ZNF583: variants seen among roughly 807,000 people sequenced by gnomAD.
The protein encoded by ZNF583 is zinc finger protein 583.
In ZNF583, 30 loss-of-function variants were observed where a neutral mutation model predicts 55.3. That is an observed-to-expected ratio of 0.54 (90% CI 0.41 to 0.74). ZNF583 has a LOEUF of 0.74. ZNF583 is among the 30% of genes least tolerant of loss of function. The pLI, the probability that ZNF583 is intolerant of heterozygous loss-of-function variation, is 0.00. For synonymous variants in ZNF583, 208 were observed against 220.0 expected (o/e 0.95, Z 0.48); for missense variants, 504 against 664.7 (o/e 0.76, Z 2.66).
chr19:56,422,691 A>T (rs2042434645), intron 4 of ZNF583, among the ~76,000 whole-genome samples, 200 bp from the exon 5 acceptor site: 2 of 152,162 alleles, frequency 1.3e-5, no homozygotes, highest in South Asian at 2.1e-4. Context: ...TTTTGTTCTT[A>T]TATTTACCTT....
chr19:56,406,633 C>A (rs1323243046), intron 1 of ZNF583, among the ~76,000 whole-genome samples: 1 of 148,310 alleles, frequency 6.7e-6, no homozygotes, highest in Admixed American at 6.7e-5. Context: ...CCTGGGTTCA[C>A]GCCATTCTCC....
At chr19:56,415,555 TC>T (rs1332091397) in intron 4 of ZNF583, among the ~76,000 whole-genome samples, 10 of 152,232 alleles carry the variant, frequency 6.6e-5, no homozygotes, top group African/African-American at 2.2e-4. Context: ...GTAAATGGCA[TC>T]TCTATAATTT....
At position 56,425,422 on chromosome 19, in the gene ZNF583, C is replaced by T. The variant is rs2042485629; in HGVS notation, c.*1054C>T. The T allele has an allele frequency of 6.6e-6, 1 of 152,146 alleles. No individual in the cohort carries two copies. The highest frequency in any genetic ancestry group is 1.9e-4 in the East Asian group (1 of 5,176). 9.4% of individuals were successfully genotyped at this position (152,146 alleles called of 1,614,324 possible). ...AGAGGGTTTTGACATGTCGGCCAGGCTTTTCTCTAACTCCTGACGTCCGGT... is the reference window on the plus strand; with the variant it reads ...AGAGGGTTTTGACATGTCGGCCAGGTTTTTCTCTAACTCCTGACGTCCGGT... On this transcript the variant is annotated 3_prime_UTR_variant, in exon 5 of 5. Transcript: ENST00000333201.
At chr19:56,422,033 G>T (rs1490355484) in intron 4 of ZNF583, among the ~76,000 whole-genome samples, 2 of 152,188 alleles carry the variant, frequency 1.3e-5, no homozygotes, top group South Asian at 2.1e-4. Context: ...GAAACAGCAA[G>T]TCTGGTGCTC....
At chr19:56,413,602 G>A (rs1261518280) in intron 2 of ZNF583, among the ~76,000 whole-genome samples, 1 of 152,012 alleles carries the variant, frequency 6.6e-6, no homozygotes, top group Non-Finnish European at 1.5e-5. Flanking sequence ...TTACTGCCCC[G>A]GTGTATCTGA....
In ZNF583 at chr19:56,406,327, G is replaced by A. The variant is rs189729852; in HGVS notation, c.-89-699G>A. On this transcript the variant is annotated intron_variant, in intron 1 of 4. Transcript: ENST00000333201. ...CATATTTCCTTTCAACATCATGATC[G>A]GGTGGAAAGAATTAAAAGTTAGAAC... Among the ~76,000 whole-genome samples, 17 of 152,100 alleles carry A rather than the reference G, an allele frequency of 1.1e-4. No individual in the cohort carries two copies. The East Asian group carries it at 2.1e-3, about 19-fold the overall frequency.
intron 4 of ZNF583, chr19:56,414,700 A>G (rs1358376677): frequency 2.1e-5 from 8 of 379,408 alleles, no homozygotes; most frequent in Non-Finnish European, 3.3e-5. Context: ...ATGTCACAGC[A>G]TCTCCCTGTC....
intron 4 of ZNF583, among the ~76,000 whole-genome samples, chr19:56,416,522 G>T: frequency 6.7e-6 from 1 of 150,366 alleles, no homozygotes; most frequent in African/African-American, 2.5e-5. Context: ...TTTCCATAGT[G>T]CTGAAATGAG....
chr19:56,409,765 A>C (rs921557767), intron 2 of ZNF583, among the ~76,000 whole-genome samples: 6 of 152,214 alleles, frequency 3.9e-5, no homozygotes, highest in African/African-American at 1.4e-4. Flanking sequence ...TGTTTATTAC[A>C]TATTTAATGT....
At chr19:56,415,567 G>T (rs2042307735) in intron 4 of ZNF583, among the ~76,000 whole-genome samples, 2 of 152,052 alleles carry the variant, frequency 1.3e-5, no homozygotes, top group South Asian at 4.1e-4. Context: ...TCTATAATTT[G>T]TCTTTGGTTA....
At chr19:56,421,929 C>T (rs1600377526) in intron 4 of ZNF583, among the ~76,000 whole-genome samples, 1 of 152,110 alleles carries the variant, frequency 6.6e-6, no homozygotes, top group South Asian at 2.1e-4. Context: ...AAAGGCCATA[C>T]TGAAGAGGTA....
chr19:56,405,518 CAG>C (rs1362339850), intron 1 of ZNF583, among the ~76,000 whole-genome samples: 1 of 151,654 alleles, frequency 6.6e-6, no homozygotes, highest in Non-Finnish European at 1.5e-5. Flanking sequence ...GGTGGAGAGA[CAG>C]AAAGATTGAG....
At chr19:56,410,732 T>C (rs1217018256) in intron 2 of ZNF583, among the ~76,000 whole-genome samples, 1 of 151,616 alleles carries the variant, frequency 6.6e-6, no homozygotes, top group Non-Finnish European at 1.5e-5. Context: ...CAACAAAAAT[T>C]AAGATTTACC....
rs2042464126 is a variant in ZNF583, at chr19:56,424,036, G to A, written c.1378G>A (p.Gly460Arg). 6.2e-7 allele frequency: 1 copy of A among 1,613,906 alleles called. No homozygotes were observed. The highest frequency in any genetic ancestry group is 1.1e-5 in the South Asian group (1 of 91,078). ...SLAQHQRSHT[G>R]EKPYMCKECR... Reference sequence around the variant, plus strand: ...TGCACAACATCAGAGAAGTCATACTGGAGAAAAACCCTATATGTGTAAGGA... The same window carrying A: ...TGCACAACATCAGAGAAGTCATACTAGAGAAAAACCCTATATGTGTAAGGA... Residue 460 changes from glycine to arginine, a missense_variant, in exon 5 of 5, where the codon GGA becomes AGA. Gly to Arg is a moderately radical substitution (Grantham distance 125). This residue lies in a region of ZNF583 where 237 missense variants were observed against 373.0 expected (regional missense o/e 0.64). Transcript: ENST00000333201.
chr19:56,413,831 G>A lies in ZNF583; in HGVS notation c.10-128G>A, dbSNP rs557737412. On this transcript the variant is annotated intron_variant, in intron 2 of 4. Transcript: ENST00000333201. ...CTGACATGTGTTGCTCAGAACCTAA[G>A]ATACTGTCAGAAAGTTTTGCTATGT... 51 of 1,295,552 alleles carry A rather than the reference G, an allele frequency of 3.9e-5. No individual in the cohort carries two copies. The South Asian group carries it at 6.9e-4, about 17-fold the overall frequency. 80.3% of individuals were successfully genotyped at this position (1,295,552 alleles called of 1,614,324 possible).
intron 2 of ZNF583, 68 bp from the exon 3 acceptor site, chr19:56,413,891 C>A: frequency 6.3e-7 from 1 of 1,597,920 alleles, no homozygotes; most frequent in Non-Finnish European, 8.5e-7. Context: ...GACAATTTAA[C>A]TTTTTAACTT....
Position 56,404,742 on chromosome 19 carries a change from G to A in ZNF583, c.-90+290G>A, listed in dbSNP as rs1162237680. Among the ~76,000 whole-genome samples, 1 of 152,152 alleles carries A rather than the reference G, an allele frequency of 6.6e-6. No individual in the cohort carries two copies. The highest frequency in any genetic ancestry group is 2.4e-5 in the African/African-American group (1 of 41,430). On this transcript the variant is annotated intron_variant, in intron 1 of 4. Transcript: ENST00000333201. This position sits in a 1 kb window ranked among gnomAD's most constrained non-coding sequence, Gnocchi z 5.2. ...TGAGACTGGGTGTGAGAATGTGTGC[G>A]ACAGTATGAGACCGTTGCCCCGGTG...
intron 2 of ZNF583, among the ~76,000 whole-genome samples, chr19:56,408,467 A>G (rs561007740): frequency 6.6e-6 from 1 of 152,342 alleles, no homozygotes; most frequent in East Asian, 1.9e-4. Context: ...ATTTAGCCGT[A>G]TGTAGCTAGT....
chr19:56,421,237 A>G (rs182533040), intron 4 of ZNF583, among the ~76,000 whole-genome samples: 37 of 152,266 alleles, frequency 2.4e-4, no homozygotes, highest in Admixed American at 7.8e-4. Flanking sequence ...AAATGTAAGA[A>G]TCATGCCTGT....
Sources: allele counts gnomAD v4.1 joint callset (sites outside exome capture counted in the v4.1 genomes callset), GRCh38; gene constraint gnomAD v4.1.1; regional missense constraint gnomAD v4.1.1; non-coding constraint Gnocchi (gnomAD v3.1); transcripts MANE v1.5; gene names NCBI Gene and HGNC (gene_info 2026-07-23, HGNC 2026-07-21).